ENOX1: variants seen among roughly 807,000 people sequenced by gnomAD.
The protein encoded by ENOX1 is ecto-NOX disulfide-thiol exchanger 1.
A neutral mutation model predicts 82.5 loss-of-function variants in ENOX1; 42 were observed. The observed-to-expected ratio is 0.51, with a 90% CI of 0.40 to 0.66. The LOEUF is 0.66. Ranked by LOEUF, ENOX1 falls within the 30% of genes least tolerant of loss-of-function variation. The pLI is 0.00. For synonymous variants in ENOX1, 271 were observed against 282.2 expected (o/e 0.96, Z 0.40); for missense variants, 608 against 811.6 (o/e 0.75, Z 3.05).
intron 2 of ENOX1, among the ~76,000 whole-genome samples, chr13:43,619,940 T>G (rs918304595): frequency 3.3e-5 from 5 of 152,168 alleles, no homozygotes; most frequent in Non-Finnish European, 5.9e-5. Context: ...TGCTTGCTAT[T>G]GGTCTGTTCA....
chr13:43,242,074 T>C (rs2042863097), intron 14 of ENOX1, among the ~76,000 whole-genome samples: 1 of 152,232 alleles, frequency 6.6e-6, no homozygotes, highest in Non-Finnish European at 1.5e-5. Flanking sequence ...TGTCCACCTG[T>C]GTCTACTGCC....
intron 3 of ENOX1, among the ~76,000 whole-genome samples, chr13:43,466,388 T>C (rs570223948): frequency 6.6e-6 from 1 of 152,190 alleles, no homozygotes; most frequent in Admixed American, 6.5e-5. Flanking sequence ...GTTAATATAA[T>C]AAAAAATTCC....
At chr13:43,253,966 A>G (rs57444328) in intron 14 of ENOX1, among the ~76,000 whole-genome samples, 1 of 152,152 alleles carries the variant, frequency 6.6e-6, no homozygotes, top group Admixed American at 6.5e-5. Flanking sequence ...TTAAAATGAT[A>G]TTGCTTGCAT....
chr13:43,415,290 C>G lies in ENOX1; in HGVS notation c.-74-2302G>C, dbSNP rs2054395890. ...TTATTGATCATTCTTGGGTGTTTCT[C>G]GGAGAGGGGGATGTGGCAGGGTCAC... On this transcript the variant is annotated intron_variant, in intron 3 of 16. Transcript: ENST00000690772. Among the ~76,000 whole-genome samples the G allele has an allele frequency of 3.6e-5, 3 of 84,146 alleles. No homozygotes were observed. The Admixed American group carries it at 5.7e-4, about 16-fold the overall frequency. The allele number at this position is 84,146 out of a possible 152,430, so 55.2% of individuals were successfully genotyped here. A position where few individuals can be genotyped will look rare whatever the true frequency, so the allele number is the denominator to read the frequency against.
At chr13:43,713,307 C>G (rs1050165830) in intron 1 of ENOX1, among the ~76,000 whole-genome samples, 1 of 152,180 alleles carries the variant, frequency 6.6e-6, no homozygotes, top group Admixed American at 6.5e-5. Flanking sequence ...CTGCTGGATT[C>G]AGTTTGCCAG....
In ENOX1 at chr13:43,724,549, C is replaced by T. The variant is rs542720102; in HGVS notation, c.-284-57005G>A. Among the ~76,000 whole-genome samples the T allele has an allele frequency of 1.3e-3, 194 of 152,346 alleles. 1 individual carries two copies. The highest frequency in any genetic ancestry group is 2.9e-4 in the Non-Finnish European group (20 of 68,030). The stretch of plus-strand genomic sequence containing the variant: ...ACCTATGCACAAGGACCATTTTACT[C>T]ATTTGCGTATCTTCCCTGATTAGCA... On this transcript the variant is annotated intron_variant, in intron 1 of 16. Coordinates refer to ENST00000690772, the MANE Select transcript of ENOX1 (RefSeq NM_001347969.2).
chr13:43,416,928 A>G (rs927812907), intron 3 of ENOX1, among the ~76,000 whole-genome samples: 1 of 152,150 alleles, frequency 6.6e-6, no homozygotes, highest in Non-Finnish European at 1.5e-5. Flanking sequence ...AACATTGAGC[A>G]TTGAGTGAGT....
chr13:43,275,597 C>G (rs931908431), intron 12 of ENOX1, among the ~76,000 whole-genome samples: 12 of 151,924 alleles, frequency 7.9e-5, no homozygotes, highest in Non-Finnish European at 1.3e-4. Flanking sequence ...CACACACACA[C>G]ACATACACAC....
intron 1 of ENOX1, among the ~76,000 whole-genome samples, chr13:43,674,739 G>T (rs745659657): frequency 1.3e-5 from 2 of 152,058 alleles, no homozygotes; most frequent in Non-Finnish European, 2.9e-5. Context: ...GATGAACTTT[G>T]GATGACAATG....
At chr13:43,229,996 C>A (rs893653729) in intron 15 of ENOX1, among the ~76,000 whole-genome samples, 1 of 151,982 alleles carries the variant, frequency 6.6e-6, no homozygotes, top group South Asian at 2.1e-4. Context: ...TTTGCAATGG[C>A]AACAAAAAGG....
intron 3 of ENOX1, among the ~76,000 whole-genome samples, chr13:43,469,560 TATA>T (rs2057895290): frequency 6.6e-6 from 1 of 151,914 alleles, no homozygotes; most frequent in Non-Finnish European, 1.5e-5. Context: ...GAGTAATAAA[TATA>T]ATAGTAGGTA....
At chr13:43,426,690 G>A (rs867699085) in intron 3 of ENOX1, among the ~76,000 whole-genome samples, 2 of 152,154 alleles carry the variant, frequency 1.3e-5, no homozygotes, top group Non-Finnish European at 2.9e-5. Context: ...TGCAGTGGCT[G>A]TCAACTCCAA....
In ENOX1 at chr13:43,396,102, G is replaced by A. The variant is rs114639066; in HGVS notation, c.208+15814C>T. 6.1e-3 allele frequency among the ~76,000 whole-genome samples: 930 copies of A among 152,224 alleles called. 8 individuals carry two copies. The highest frequency in any genetic ancestry group is 0.02 in the African/African-American group (830 of 41,540). The stretch of plus-strand genomic sequence containing the variant: ...TTGCTTGAACTGAGACCATCTAATC[G>A]CTAGCATCTAAATTACTATTCATTT... On this transcript the variant is annotated intron_variant, in intron 5 of 16. Coordinates refer to ENST00000690772, the MANE Select transcript of ENOX1 (RefSeq NM_001347969.2).
At chr13:43,565,309 A>C (rs961329462) in intron 2 of ENOX1, among the ~76,000 whole-genome samples, 1 of 152,188 alleles carries the variant, frequency 6.6e-6, no homozygotes, top group African/African-American at 2.4e-5. Context: ...GGCTGGAGTC[A>C]AGTGCCAGAG....
intron 1 of ENOX1, among the ~76,000 whole-genome samples, chr13:43,682,648 C>G (rs1566762704): frequency 6.6e-6 from 1 of 152,028 alleles, no homozygotes; most frequent in Non-Finnish European, 1.5e-5. Context: ...ACTCAAAGCT[C>G]AGAAAGAGTT....
chr13:43,517,520 G>T (rs1371422585), intron 2 of ENOX1, among the ~76,000 whole-genome samples: 1 of 152,072 alleles, frequency 6.6e-6, no homozygotes, highest in East Asian at 1.9e-4. Context: ...CCTTAAGTTT[G>T]TAGGTCTCTA....
At chr13:43,584,572 A>G (rs1197949912) in intron 2 of ENOX1, among the ~76,000 whole-genome samples, 1 of 152,218 alleles carries the variant, frequency 6.6e-6, no homozygotes, top group Non-Finnish European at 1.5e-5. Context: ...AAAATGCCAC[A>G]TTCCAACCAC....
chr13:43,694,084 A>G (rs1317927403), intron 1 of ENOX1, among the ~76,000 whole-genome samples: 1 of 152,190 alleles, frequency 6.6e-6, no homozygotes, highest in Non-Finnish European at 1.5e-5. Flanking sequence ...TGCATAATCA[A>G]CTTTATTCCC....
At chr13:43,542,738 A>AGT (rs1719010314) in intron 2 of ENOX1, among the ~76,000 whole-genome samples, 1 of 152,182 alleles carries the variant, frequency 6.6e-6, no homozygotes, top group African/African-American at 2.4e-5. Flanking sequence ...GCCAGCCATA[A>AGT]GTGTCATCAT....
Sources: gnomAD v4.1 joint callset for allele counts (sites outside exome capture counted in the v4.1 genomes callset) on GRCh38, gnomAD v4.1.1 for gene constraint, MANE v1.5 for transcripts, NCBI Gene and HGNC (gene_info 2026-07-23, HGNC 2026-07-21) for gene names.